ERC2: variants seen among roughly 807,000 people sequenced by gnomAD.
ERC2 encodes the protein ERC protein 2.
A neutral mutation model predicts 114.8 loss-of-function variants in ERC2; 42 were observed. That is an observed-to-expected ratio of 0.37 (90% confidence interval 0.29 to 0.47). The LOEUF (loss-of-function observed/expected upper bound fraction) is 0.47. Among genes scored for constraint, ERC2 ranks in the 20% least tolerant of loss-of-function variants. ERC2 has a pLI of 0.99. For synonymous variants in ERC2, 454 were observed against 425.5 expected (o/e 1.07, Z -0.82); for missense variants, 939 against 1,150.7 (o/e 0.82, Z 2.66).
At chr3:55,528,247 G>A (rs2053453787) in intron 17 of ERC2, among the ~76,000 whole-genome samples, 1 of 152,200 alleles carries the variant, frequency 6.6e-6, no homozygotes, top group South Asian at 2.1e-4. Context: ...GCCAGAGGGA[G>A]CGGAAATGAA....
At chr3:56,128,991 T>A (rs1375467202) in intron 6 of ERC2, among the ~76,000 whole-genome samples, 1 of 152,206 alleles carries the variant, frequency 6.6e-6, no homozygotes, top group African/African-American at 2.4e-5. Flanking sequence ...TTGAAAATTT[T>A]AAAAAATGCA....
At position 56,344,098 on chromosome 3, in the gene ERC2, C is replaced by T. The variant is rs2150503211; in HGVS notation, c.658-47663G>A. Among the ~76,000 whole-genome samples, 2 of 152,206 alleles carry T rather than the reference C, an allele frequency of 1.3e-5. 1 individual carries two copies. The highest frequency in any genetic ancestry group is 3.9e-4 in the East Asian group (2 of 5,188). ...AGAGGCAGACGGATGTTTCAAATGCCATATTAAACAAAATATCTTTTTACA... is the reference window on the plus strand; with the variant it reads ...AGAGGCAGACGGATGTTTCAAATGCTATATTAAACAAAATATCTTTTTACA... On this transcript the variant is annotated intron_variant, in intron 2 of 17. Transcript: ENST00000288221.
In ERC2 at chr3:55,951,637, G is replaced by A. The variant is rs145203716; in HGVS notation, c.2268-1077C>T. Among the ~76,000 whole-genome samples, 4 of 152,182 alleles carry A rather than the reference G, an allele frequency of 2.6e-5. No individual in the cohort carries two copies. The East Asian group carries it at 7.8e-4, about 30-fold the overall frequency. The stretch of plus-strand genomic sequence containing the variant: ...TGAGGAGGTAGGAGGGCAGTACGGA[G>A]GGCTCGGGAGCATTGACACAAGAGG... On this transcript the variant is annotated intron_variant, in intron 12 of 17. Transcript: ENST00000288221.
chr3:56,032,875 GAA>G (rs2074455575), intron 7 of ERC2, among the ~76,000 whole-genome samples: 4 of 112,130 alleles, frequency 3.6e-5, no homozygotes, highest in African/African-American at 6.2e-5. Context: ...AAGAAAGAAA[GAA>G]AGAAAGAAAG....
At chr3:55,568,094 G>T (rs550187254) in intron 17 of ERC2, among the ~76,000 whole-genome samples, 4 of 152,156 alleles carry the variant, frequency 2.6e-5, no homozygotes, top group Non-Finnish European at 5.9e-5. Flanking sequence ...TTATAGCTCA[G>T]TTGAATCTAT....
At chr3:56,368,799 CT>C (rs1208842856) in intron 2 of ERC2, among the ~76,000 whole-genome samples, 2 of 151,172 alleles carry the variant, frequency 1.3e-5, no homozygotes, top group Non-Finnish European at 2.9e-5. Flanking sequence ...TTATAATCTT[CT>C]TGTCTATTGA....
intron 15 of ERC2, among the ~76,000 whole-genome samples, chr3:55,721,452 T>A (rs2064545003): frequency 6.6e-6 from 1 of 152,268 alleles, no homozygotes; most frequent in African/African-American, 2.4e-5. Flanking sequence ...ATAGATCAAG[T>A]ACTTAACGTA....
chr3:56,215,206 TAA>T (rs544969393), intron 3 of ERC2, among the ~76,000 whole-genome samples: 9 of 152,194 alleles, frequency 5.9e-5, no homozygotes, highest in Non-Finnish European at 1.0e-4. Context: ...GCAAATTGGA[TAA>T]AGAGTCAAGA....
At chr3:55,856,423 G>A (rs1158216283) in intron 14 of ERC2, among the ~76,000 whole-genome samples, 2 of 152,112 alleles carry the variant, frequency 1.3e-5, no homozygotes, top group East Asian at 1.9e-4. Context: ...TCATTCAATC[G>A]GCGCTGTTCT....
At chr3:56,081,369 C>A (rs2077222508) in intron 6 of ERC2, among the ~76,000 whole-genome samples, 1 of 152,090 alleles carries the variant, frequency 6.6e-6, no homozygotes, top group South Asian at 2.1e-4. Context: ...GCAGCATCGT[C>A]CTGAAATACG....
intron 3 of ERC2, among the ~76,000 whole-genome samples, chr3:56,222,069 G>A (rs2049950303): frequency 6.6e-6 from 1 of 152,168 alleles, no homozygotes; most frequent in Non-Finnish European, 1.5e-5. Context: ...CCATTTTACT[G>A]TCAGGTACTG....
chr3:55,899,163 A>C (rs1227158263), intron 13 of ERC2, among the ~76,000 whole-genome samples: 3 of 152,228 alleles, frequency 2.0e-5, no homozygotes, highest in Non-Finnish European at 4.4e-5. Context: ...ATGTTCAGAA[A>C]TTATTTCGGT....
chr3:55,588,644 C>G (rs1265892007), intron 17 of ERC2, among the ~76,000 whole-genome samples: 1 of 152,172 alleles, frequency 6.6e-6, no homozygotes, highest in Non-Finnish European at 1.5e-5. Context: ...GTTACCTAAC[C>G]TCTGAGTGTG....
intron 11 of ERC2, among the ~76,000 whole-genome samples, chr3:55,986,274 C>G (rs2070626238): frequency 6.6e-6 from 1 of 152,158 alleles, no homozygotes; most frequent in Non-Finnish European, 1.5e-5. Flanking sequence ...GAGGTGTGCT[C>G]CCACAGTACA....
At chr3:56,423,489 G>A (rs948873780) in intron 2 of ERC2, among the ~76,000 whole-genome samples, 1 of 152,172 alleles carries the variant, frequency 6.6e-6, no homozygotes, top group African/African-American at 2.4e-5. Flanking sequence ...ATGTCCCCTG[G>A]AGAAAAAACT....
chr3:55,732,120 C>A (rs2065287885), intron 15 of ERC2, among the ~76,000 whole-genome samples: 1 of 152,050 alleles, frequency 6.6e-6, no homozygotes, highest in African/African-American at 2.4e-5. Flanking sequence ...CAGTTATGCT[C>A]CCTAGAAAAG....
chr3:55,699,358 T>C lies in ERC2; in HGVS notation c.2847+20A>G. 1.2e-6 allele frequency: 2 copies of C among 1,613,340 alleles called. No homozygotes were observed. The highest frequency in any genetic ancestry group is 1.7e-6 in the Non-Finnish European group (2 of 1,179,716). On this transcript the variant is annotated intron_variant, in intron 16 of 17. Transcript: ENST00000288221. ...TAAAGGGTAAAAGGGGTCTTGGAGGTAAGCAGCGATGAAACTGACCTGGTC... is the reference window on the plus strand; with the variant it reads ...TAAAGGGTAAAAGGGGTCTTGGAGGCAAGCAGCGATGAAACTGACCTGGTC...
intron 13 of ERC2, among the ~76,000 whole-genome samples, chr3:55,915,426 G>T (rs114839168): frequency 2.6e-5 from 4 of 152,044 alleles, no homozygotes; most frequent in Non-Finnish European, 4.4e-5. Context: ...CGAGAACCAA[G>T]AATCACTTAT....
chr3:56,239,001 A>C (rs2051145266), intron 3 of ERC2, among the ~76,000 whole-genome samples: 1 of 152,192 alleles, frequency 6.6e-6, no homozygotes, highest in African/African-American at 2.4e-5. Flanking sequence ...AAGTAAAACT[A>C]TGGTTTGAAA....
Sources: allele counts gnomAD v4.1 joint callset (sites outside exome capture counted in the v4.1 genomes callset), GRCh38; gene constraint gnomAD v4.1.1; transcripts MANE v1.5; gene names NCBI Gene and HGNC (gene_info 2026-07-23, HGNC 2026-07-21).